FBN2: variants seen among roughly 807,000 people sequenced by gnomAD.
FBN2 encodes the protein fibrillin-2.
FBN2 carries 105 observed loss-of-function variants against 355.6 expected under a neutral mutation model. That is an observed-to-expected ratio of 0.30 (90% CI 0.25 to 0.35). FBN2 has a LOEUF of 0.35. Ranked by LOEUF, FBN2 falls within the 10% of genes least tolerant of loss-of-function variation. FBN2 has a pLI of 1.00. For synonymous variants in FBN2, 1,350 were observed against 1,301.2 expected (o/e 1.04, Z -0.81); for missense variants, 3,280 against 3,758.7 (o/e 0.87, Z 3.33).
intron 20 of FBN2, 66 bp downstream of exon 20, chr5:128,357,210 A>G: frequency 6.9e-6 from 11 of 1,594,610 alleles, no homozygotes; most frequent in Non-Finnish European, 8.6e-6. Flanking sequence ...TATCCGTAGT[A>G]AGGCCTGAGA....
chr5:128,423,056 T>C (rs1453298734), intron 7 of FBN2, among the ~76,000 whole-genome samples: 2 of 152,070 alleles, frequency 1.3e-5, no homozygotes, highest in African/African-American at 4.8e-5. Flanking sequence ...TTATACCTGA[T>C]GACAATATGG....
intron 2 of FBN2, among the ~76,000 whole-genome samples, chr5:128,532,889 A>C (rs947072526): frequency 1.3e-5 from 2 of 152,218 alleles, no homozygotes; most frequent in Non-Finnish European, 2.9e-5. Context: ...TTTTTTTAAA[A>C]ATTAGCCTTG....
chr5:128,284,873 T>C (rs116214971), intron 55 of FBN2, among the ~76,000 whole-genome samples: 1 of 152,348 alleles, frequency 6.6e-6, no homozygotes, highest in African/African-American at 2.4e-5. Context: ...GAAATGGGTC[T>C]CTACAAAAAC....
At chr5:128,482,225 G>A (rs1020713275) in intron 5 of FBN2, among the ~76,000 whole-genome samples, 2 of 152,052 alleles carry the variant, frequency 1.3e-5, no homozygotes, top group Non-Finnish European at 2.9e-5. Context: ...TTCCTATTGG[G>A]AGGATGTTTA....
chr5:128,302,345 C>CTTAT (rs1348782416), intron 46 of FBN2, among the ~76,000 whole-genome samples: 1 of 152,250 alleles, frequency 6.6e-6, no homozygotes, highest in African/African-American at 2.4e-5. Flanking sequence ...TGTCATTTCT[C>CTTAT]TTATTCTCTC....
intron 7 of FBN2, among the ~76,000 whole-genome samples, chr5:128,421,944 T>C (rs537239286): frequency 8.2e-4 from 125 of 152,308 alleles, no homozygotes; most frequent in African/African-American, 2.9e-3. Flanking sequence ...CTGTCCAATG[T>C]AATTACAAGA....
intron 25 of FBN2, among the ~76,000 whole-genome samples, chr5:128,341,054 C>A (rs904574710): frequency 6.6e-6 from 1 of 152,078 alleles, no homozygotes; most frequent in Admixed American, 6.6e-5. Flanking sequence ...GGGTACAGGA[C>A]GGACCGGTAG....
chr5:128,390,691 T>C (rs1487397469), intron 11 of FBN2, among the ~76,000 whole-genome samples: 1 of 152,202 alleles, frequency 6.6e-6, no homozygotes, highest in African/African-American at 2.4e-5. Context: ...GTGCACTCCA[T>C]TAGCAGCTTT....
rs1470752296 is a variant in FBN2, at chr5:128,336,069, T to C, written c.3643A>G (p.Lys1215Glu). The C allele has an allele frequency of 7.4e-6, 12 of 1,613,806 alleles. No individual in the cohort carries two copies. Among genetic ancestry groups the C allele is most frequent in the Non-Finnish European group, 1.0e-5 (12 of 1,179,716 alleles). ...SLSDNLCRNG[K>E]CVNMIGTYQC... ...TAGGTTCCAATCATGTTCACACATT[T>C]TCCATTTCTGCAGAGATTGTCACTC... The change falls in exon 28 of 65, where the codon AAA becomes GAA. Residue 1215 changes from lysine to glutamate, a missense_variant. This residue lies in a region of FBN2 where 2,284 missense variants were observed against 2,749.5 expected (regional missense o/e 0.83). Transcript: ENST00000262464.
chr5:128,273,831 T>A lies in FBN2; in HGVS notation c.7840+9A>T. 1 of 1,613,556 alleles carries A rather than the reference T, an allele frequency of 6.2e-7. No individual in the cohort carries two copies. The highest frequency in any genetic ancestry group is 8.5e-7 in the Non-Finnish European group (1 of 1,179,564). Reference sequence around the variant, plus strand: ...ATTAGATTAAGAATTTTTGAGCAAATCAACTAACCTTCACAGTTCAGTCCG... The same window carrying A: ...ATTAGATTAAGAATTTTTGAGCAAAACAACTAACCTTCACAGTTCAGTCCG... On this transcript the variant is annotated intron_variant, in intron 61 of 64. Transcript: ENST00000262464.
At chr5:128,332,833 G>T in intron 32 of FBN2, 79 bp downstream of exon 32, 1 of 1,343,236 alleles carries the variant, frequency 7.4e-7, no homozygotes, top group Non-Finnish European at 1.1e-6. Flanking sequence ...AAAGTGAAGA[G>T]CATGATTCTA....
At chr5:128,358,255 C>A (rs894788890) in intron 19 of FBN2, among the ~76,000 whole-genome samples, 1 of 152,000 alleles carries the variant, frequency 6.6e-6, no homozygotes, top group Non-Finnish European at 1.5e-5. Context: ...AAGACATTTT[C>A]AGTATAAATT....
At chr5:128,433,690 C>A (rs1753687237) in intron 7 of FBN2, among the ~76,000 whole-genome samples, 1 of 152,168 alleles carries the variant, frequency 6.6e-6, no homozygotes, top group Non-Finnish European at 1.5e-5. Context: ...TAGCATACAG[C>A]TGTTGGTTAA....
intron 17 of FBN2, 37 bp downstream of exon 17, chr5:128,366,340 A>G: frequency 1.8e-6 from 2 of 1,125,568 alleles, no homozygotes; most frequent in Non-Finnish European, 2.7e-6. Context: ...CGATTATGTC[A>G]CGTGATTATT....
intron 11 of FBN2, among the ~76,000 whole-genome samples, chr5:128,386,527 A>C (rs532325833): frequency 6.6e-6 from 1 of 152,220 alleles, no homozygotes; most frequent in Non-Finnish European, 1.5e-5. Context: ...GTTCCACATG[A>C]ATTTTAAAAT....
chr5:128,260,193 A>AT (rs892979539), intron 64 of FBN2, among the ~76,000 whole-genome samples: 483 of 148,424 alleles, frequency 3.3e-3, no homozygotes, highest in South Asian at 5.6e-3. Flanking sequence ...TTAGGTAATG[A>AT]TTTTTTTTTT....
At chr5:128,370,082 T>C (rs1477013698) in intron 15 of FBN2, among the ~76,000 whole-genome samples, 1 of 152,198 alleles carries the variant, frequency 6.6e-6, no homozygotes, top group Non-Finnish European at 1.5e-5. Flanking sequence ...ACAAGGTTTA[T>C]GTGACTTCTA....
intron 11 of FBN2, 74 bp from the exon 12 acceptor site, chr5:128,378,964 C>G: frequency 6.4e-7 from 1 of 1,567,572 alleles, no homozygotes; most frequent in Non-Finnish European, 8.8e-7. Context: ...ACATTTAGTC[C>G]TCTAAAGTTT....
At chr5:128,491,810 A>G (rs1280353892) in intron 5 of FBN2, among the ~76,000 whole-genome samples, 2 of 152,216 alleles carry the variant, frequency 1.3e-5, no homozygotes, top group Non-Finnish European at 2.9e-5. Flanking sequence ...TTTTTCTTCA[A>G]CCAGAACCAC....
Sources: allele counts gnomAD v4.1 joint callset (sites outside exome capture counted in the v4.1 genomes callset), GRCh38; gene constraint gnomAD v4.1.1; regional missense constraint gnomAD v4.1.1; transcripts MANE v1.5; gene names NCBI Gene and HGNC (gene_info 2026-07-23, HGNC 2026-07-21).